The following VWC2 variants were observed in gnomAD, a reference collection of about 807,000 sequenced individuals.
VWC2 encodes brorin.
VWC2 carries 14 observed loss-of-function variants against 29.8 expected under a neutral mutation model. That is an observed-to-expected ratio of 0.47 (90% CI 0.31 to 0.74). The LOEUF (loss-of-function observed/expected upper bound fraction) is 0.74, where lower values mean the gene tolerates loss of function less well. Ranked by LOEUF, VWC2 falls within the 30% of genes least tolerant of loss-of-function variation. The pLI is 0.05. For missense variants in VWC2, 457 were observed against 459.8 expected (o/e 0.99, Z 0.05); for synonymous variants, 213 against 199.0 (o/e 1.07, Z -0.59).
intron 2 of VWC2, among the ~76,000 whole-genome samples, chr7:49,780,759 A>G (rs538704779): frequency 4.6e-5 from 7 of 152,362 alleles, no homozygotes; most frequent in Non-Finnish European, 8.8e-5. Flanking sequence ...CTTTCAAAGC[A>G]TAAGAACTGT....
rs896306227 is a variant in VWC2 at position 49,917,347 on chromosome 7, T to C, written c.*5162T>C. On this transcript the variant is annotated 3_prime_UTR_variant, in exon 4 of 4. Transcript: ENST00000340652. ...TTAAATGAACAAATCCCATTGAATATTAAGTGACACTGACAATCACCCTGA... is the reference window on the plus strand; with the variant it reads ...TTAAATGAACAAATCCCATTGAATACTAAGTGACACTGACAATCACCCTGA... The C allele has an allele frequency of 2.0e-5, 3 of 152,196 alleles. No homozygotes were observed. Among genetic ancestry groups the C allele is most frequent in the African/African-American group, 7.2e-5 (3 of 41,456 alleles). 9.4% of individuals were successfully genotyped at this position (152,196 alleles called of 1,614,324 possible). A position where few individuals can be genotyped will look rare whatever the true frequency, so the allele number is the denominator to read the frequency against.
intron 3 of VWC2, among the ~76,000 whole-genome samples, chr7:49,896,887 T>A (rs1792410408): frequency 1.4e-5 from 2 of 140,920 alleles, no homozygotes; most frequent in South Asian, 2.4e-4. Context: ...GATAATTTTT[T>A]TTTTTTTTTT....
intron 3 of VWC2, among the ~76,000 whole-genome samples, chr7:49,900,003 T>C (rs952591813): frequency 6.6e-6 from 1 of 151,798 alleles, no homozygotes; most frequent in Non-Finnish European, 1.5e-5. Flanking sequence ...AAATTAGATA[T>C]CAGTAATAGA....
chr7:49,824,547 T>G (rs62454447), intron 3 of VWC2, among the ~76,000 whole-genome samples: 5,006 of 152,256 alleles, frequency 0.033, 108 homozygotes, highest in Non-Finnish European at 0.053. Context: ...AACCTTTGCA[T>G]TTTCAGCATA....
Position 49,776,028 on chromosome 7 carries a change from G to C in VWC2, c.593G>C (p.Arg198Pro). 6.5e-7 allele frequency: 1 copy of C among 1,546,330 alleles called. No homozygotes were observed. The highest frequency in any genetic ancestry group is 8.7e-7 in the Non-Finnish European group (1 of 1,151,248). ...CCCGAGTGCCCGAGGCTGCACCCGC[G>C]CTGCATCCACGTCGACACGAGCCAG... ...AQPECPRLHP[R>P]CIHVDTSQCC... is the part of the protein sequence containing the mutation. Residue 198 changes from arginine (R) to proline (P), a missense_variant, in exon 2 of 4, where the codon CGC becomes CCC. Arg to Pro is a moderately radical substitution (Grantham distance 103). Around this residue, in one of 2 missense-constraint regions of VWC2, gnomAD observed 185 missense variants for 257.1 expected, o/e 0.72. Transcript: ENST00000340652.
rs1406532338 is a variant in VWC2 at position 49,903,885 on chromosome 7, G to A, written c.827-8149G>A. ...GACTTCCAAGAGGAAAGACTGGCTG[G>A]TGGCAGATGCGCTGGATTTTATATT... On this transcript the variant is annotated intron_variant, in intron 3 of 3. Coordinates refer to ENST00000340652, the MANE Select transcript of VWC2 (RefSeq NM_198570.5). Among the ~76,000 whole-genome samples the A allele has an allele frequency of 3.9e-5, 6 of 152,248 alleles. No individual in the cohort carries two copies. In the South Asian group the frequency reaches 1.2e-3, roughly 32 times the overall value.
At chr7:49,882,693 G>A (rs149716919) in intron 3 of VWC2, among the ~76,000 whole-genome samples, 3 of 152,214 alleles carry the variant, frequency 2.0e-5, no homozygotes, top group East Asian at 1.9e-4. Flanking sequence ...GCACCTCTGG[G>A]TGTCAATTGA....
At chr7:49,846,801 A>G (rs919045216) in intron 3 of VWC2, among the ~76,000 whole-genome samples, 1 of 152,196 alleles carries the variant, frequency 6.6e-6, no homozygotes, top group Non-Finnish European at 1.5e-5. Flanking sequence ...TCCTTTATAC[A>G]TATGTAAATT....
Position 49,916,402 on chromosome 7 carries a change from T to A in VWC2, c.*4217T>A, listed in dbSNP as rs1188855594. 1 of 152,168 alleles carries A rather than the reference T, an allele frequency of 6.6e-6. No individual in the cohort carries two copies. The highest frequency in any genetic ancestry group is 1.5e-5 in the Non-Finnish European group (1 of 68,042). The allele number at this position is 152,168 out of a possible 1,614,324, so 9.4% of individuals were successfully genotyped here. On this transcript the variant is annotated 3_prime_UTR_variant, in exon 4 of 4. Transcript: ENST00000340652. ...TGAGTGTCCTTTGCAGCATGTTGAGTATTAGCCATTTTCAATGTCCAGTTC... is the reference window on the plus strand; with the variant it reads ...TGAGTGTCCTTTGCAGCATGTTGAGAATTAGCCATTTTCAATGTCCAGTTC...
At chr7:49,829,970 C>T (rs189018998) in intron 3 of VWC2, among the ~76,000 whole-genome samples, 4 of 152,276 alleles carry the variant, frequency 2.6e-5, no homozygotes, top group South Asian at 2.1e-4. Flanking sequence ...TTTTTTCAGT[C>T]GTACTCAGAT....
chr7:49,807,806 A>G lies in VWC2; in HGVS notation c.826+4966A>G, dbSNP rs546194557. Among the ~76,000 whole-genome samples the G allele has an allele frequency of 4.6e-5, 7 of 152,366 alleles. No homozygotes were observed. In the East Asian group the frequency reaches 1.3e-3, roughly 29 times the overall value. ...AATTCAGAATCTTTGTTCACCAAAC[A>G]CTATTAAACAAGCACAATATAGCCC... On this transcript the variant is annotated intron_variant, in intron 3 of 3. Transcript: ENST00000340652.
intron 2 of VWC2, among the ~76,000 whole-genome samples, chr7:49,789,868 G>A (rs956034407): frequency 2.6e-5 from 4 of 152,208 alleles, no homozygotes; most frequent in Admixed American, 2.6e-4. Context: ...TGCTTCCCAG[G>A]TGGGAAGTGA....
chr7:49,870,166 C>T (rs373863940), intron 3 of VWC2, among the ~76,000 whole-genome samples: 5 of 152,022 alleles, frequency 3.3e-5, no homozygotes, highest in South Asian at 2.1e-4. Flanking sequence ...TTTGGGAGAC[C>T]GAGGTGGGCG....
chr7:49,784,741 C>A (rs747083212), intron 2 of VWC2, among the ~76,000 whole-genome samples: 1 of 152,310 alleles, frequency 6.6e-6, no homozygotes, highest in East Asian at 1.9e-4. Flanking sequence ...CCTGTGTGGT[C>A]TGCAAAGTCC....
chr7:49,893,634 A>AG (rs2128731546), intron 3 of VWC2, among the ~76,000 whole-genome samples: 1 of 85,142 alleles, frequency 1.2e-5, no homozygotes, highest in South Asian at 3.8e-4. Flanking sequence ...TTAGGAAACC[A>AG]GTTTTTTTTT....
rs2128745928 is a variant in VWC2 at position 49,918,695 on chromosome 7, T to C, written c.*6510T>C. 6.6e-6 allele frequency: 1 copy of C among 152,324 alleles called. No homozygotes were observed. The highest frequency in any genetic ancestry group is 2.1e-4 in the South Asian group (1 of 4,826). 9.4% of individuals were successfully genotyped at this position (152,324 alleles called of 1,614,324 possible). A position where few individuals can be genotyped will look rare whatever the true frequency, so the allele number is the denominator to read the frequency against. On this transcript the variant is annotated 3_prime_UTR_variant, in exon 4 of 4. Transcript: ENST00000340652. Reference sequence around the variant, plus strand: ...GCAAACACTACAATTTCAAATTTCATATTCTTTTATCTGATTTATTCATTT... The same window carrying C: ...GCAAACACTACAATTTCAAATTTCACATTCTTTTATCTGATTTATTCATTT...
chr7:49,802,300 A>G (rs1159563982), intron 2 of VWC2, among the ~76,000 whole-genome samples: 3 of 152,106 alleles, frequency 2.0e-5, no homozygotes, highest in Non-Finnish European at 2.9e-5. Flanking sequence ...CATTTTTTAA[A>G]CATTCCTAAA....
At chr7:49,812,198 G>A (rs1789027527) in intron 3 of VWC2, among the ~76,000 whole-genome samples, 1 of 152,134 alleles carries the variant, frequency 6.6e-6, no homozygotes, top group Non-Finnish European at 1.5e-5. Flanking sequence ...AATTTATTGA[G>A]GTGATGGTAT....
intron 3 of VWC2, among the ~76,000 whole-genome samples, chr7:49,903,376 A>G (rs1792884002): frequency 6.6e-6 from 1 of 152,236 alleles, no homozygotes; most frequent in African/African-American, 2.4e-5. Context: ...ACTGTGGTAC[A>G]GCCATACCAT....
Sources: allele counts gnomAD v4.1 joint callset (sites outside exome capture counted in the v4.1 genomes callset), GRCh38; gene constraint gnomAD v4.1.1; regional missense constraint gnomAD v4.1.1; transcripts MANE v1.5; gene names NCBI Gene and HGNC (gene_info 2026-07-23, HGNC 2026-07-21).